ICE2: variants seen among roughly 807,000 people sequenced by gnomAD.
The protein encoded by ICE2 is interactor of little elongation complex ELL subunit 2, also known as little elongation complex subunit 2.
In ICE2, 87 loss-of-function variants were observed where a neutral mutation model predicts 105.4. That is an observed-to-expected ratio of 0.83 (90% confidence interval 0.69 to 0.99). ICE2 has a LOEUF of 0.99. Among genes scored for constraint, ICE2 ranks in the 50% least tolerant of loss-of-function variants. The pLI is 0.00. For synonymous variants in ICE2, 399 were observed against 392.0 expected (o/e 1.02, Z -0.21); for missense variants, 1,323 against 1,146.7 (o/e 1.15, Z -2.22).
chr15:60,455,345 G>T lies in ICE2; in HGVS notation c.764C>A (p.Thr255Lys). Residue 255 changes from threonine to lysine, a missense_variant, in exon 7 of 16, where the codon ACA becomes AAA. Thr to Lys is a moderately conservative substitution (Grantham distance 78). Coordinates refer to ENST00000261520, the MANE Select transcript of ICE2 (RefSeq NM_024611.6). Reference protein sequence around the residue: ...DIATIETSEQTAEAMHYDISK... With the variant: ...DIATIETSEQKAEAMHYDISK... ...ACTTACATAATGCATAGCTTCAGCT[G>T]TTTGTTCTGACGTTTCAATGGTAGC... The T allele has an allele frequency of 6.2e-7, 1 of 1,612,958 alleles. No homozygotes were observed. Among genetic ancestry groups the T allele is most frequent in the Non-Finnish European group, 8.5e-7 (1 of 1,179,106 alleles).
intron 9 of ICE2, chr15:60,452,191 T>A (rs935666291): frequency 3.1e-5 from 30 of 955,844 alleles, no homozygotes; most frequent in Admixed American, 6.2e-5. Context: ...AAAAATGCTT[T>A]ATGACATATG....
In ICE2 at chr15:60,476,115, T is replaced by C. The variant is rs758947128; in HGVS notation, c.94A>G (p.Lys32Glu). The change falls in exon 3 of 16, where the codon AAA becomes GAA. Residue 32 changes from lysine (K) to glutamate (E), a missense_variant. Physicochemically the swap from Lys to Glu is moderately conservative, Grantham distance 56. Transcript: ENST00000261520. ...LKTFFSRENY[K>E]DHSMAPSLKE... ...AAACTTGGAGCCATGGAATGATCTT[T>C]ATAATTTTCTCGAGAGAAAAATGTC... 5.6e-6 allele frequency: 9 copies of C among 1,609,218 alleles called. No individual in the cohort carries two copies. The highest frequency in any genetic ancestry group is 1.7e-5 in the Admixed American group (1 of 58,726).
intron 15 of ICE2, among the ~76,000 whole-genome samples, chr15:60,425,475 A>C (rs531188270): frequency 6.6e-6 from 1 of 152,208 alleles, no homozygotes; most frequent in South Asian, 2.1e-4. Context: ...GAAAAAAGGG[A>C]TAAGTGTGAA....
intron 9 of ICE2, chr15:60,452,781 G>A: frequency 1.3e-6 from 1 of 785,806 alleles, no homozygotes; most frequent in Non-Finnish European, 1.5e-6. Context: ...GTAATATCAT[G>A]ATGCCCATTT....
chr15:60,435,896 C>G (rs1052445880), intron 13 of ICE2, among the ~76,000 whole-genome samples: 11 of 151,864 alleles, frequency 7.2e-5, no homozygotes, highest in African/African-American at 2.7e-4. Context: ...TCCCTTGAAC[C>G]GGGGAGGCAG....
rs912833761 is a variant in ICE2, at chr15:60,443,248, T to C, written c.2296-703A>G. 3.3e-5 allele frequency among the ~76,000 whole-genome samples: 5 copies of C among 152,230 alleles called. No individual in the cohort carries two copies. In the East Asian group the frequency reaches 5.8e-4, roughly 18 times the overall value. Reference sequence around the variant, plus strand: ...TCACTGTGCTTATGCTATCTCATTATCTTCAAAGAAAACTCTACTCTTAAC... The same window carrying C: ...TCACTGTGCTTATGCTATCTCATTACCTTCAAAGAAAACTCTACTCTTAAC... On this transcript the variant is annotated intron_variant, in intron 11 of 15. Transcript: ENST00000261520.
chr15:60,426,468 A>C (rs2063340568), intron 15 of ICE2, among the ~76,000 whole-genome samples: 1 of 152,232 alleles, frequency 6.6e-6, no homozygotes, highest in Non-Finnish European at 1.5e-5. Flanking sequence ...ATTTAAACAA[A>C]GACAAAATTG....
chr15:60,456,669 A>T lies in ICE2; in HGVS notation c.654T>A (p.Thr218=). 1 of 1,586,710 alleles carries T rather than the reference A, an allele frequency of 6.3e-7. No homozygotes were observed. The highest frequency in any genetic ancestry group is 8.6e-7 in the Non-Finnish European group (1 of 1,168,958). The change falls in exon 6 of 16, where the codon ACT becomes ACA. Residue 218 remains threonine (T), a synonymous_variant. Coordinates refer to ENST00000261520, the MANE Select transcript of ICE2 (RefSeq NM_024611.6). ...RVEMGLKLEK[T]LLALGSVKYV... ...TAATAAACCTTACCAATGCGAGAAG[A>T]GTTTTTTCTAACTTTAATCCCATCT...
chr15:60,475,280 G>A (rs989963914), intron 3 of ICE2, among the ~76,000 whole-genome samples: 23 of 152,166 alleles, frequency 1.5e-4, no homozygotes, highest in Admixed American at 6.5e-4. Context: ...TTGGCAGTAA[G>A]AAGTAAAAAT....
At chr15:60,427,068 T>G (rs1461048648) in intron 15 of ICE2, among the ~76,000 whole-genome samples, 1 of 152,220 alleles carries the variant, frequency 6.6e-6, no homozygotes, top group Non-Finnish European at 1.5e-5. Flanking sequence ...TAAGTAGGAA[T>G]GTACAAGGAG....
chr15:60,428,816 T>C, intron 14 of ICE2, 129 bp from the exon 15 acceptor site: 1 of 926,696 alleles, frequency 1.1e-6, no homozygotes, highest in East Asian at 2.6e-5. Flanking sequence ...AATACTTTTA[T>C]GACAAAATAA....
At chr15:60,478,419 C>T (rs921680957) in intron 1 of ICE2, 2 of 172,348 alleles carry the variant, frequency 1.2e-5, no homozygotes, top group Non-Finnish European at 2.5e-5. Flanking sequence ...CTTTTGTTTT[C>T]CCGACCATGC....
At chr15:60,465,710 G>A (rs1050738203) in intron 5 of ICE2, among the ~76,000 whole-genome samples, 2 of 147,754 alleles carry the variant, frequency 1.4e-5, no homozygotes, top group South Asian at 4.3e-4. Flanking sequence ...ATGTGTGTGT[G>A]TATATATATA....
At chr15:60,471,925 C>T (rs942146544) in intron 3 of ICE2, among the ~76,000 whole-genome samples, 3 of 151,780 alleles carry the variant, frequency 2.0e-5, no homozygotes, top group Admixed American at 6.6e-5. Flanking sequence ...CTAGTATCTT[C>T]TGAGTTTGAT....
At chr15:60,437,080 T>A (rs2063610635) in intron 12 of ICE2, among the ~76,000 whole-genome samples, 1 of 151,552 alleles carries the variant, frequency 6.6e-6, no homozygotes, top group Non-Finnish European at 1.5e-5. Context: ...TGGTGAAACC[T>A]CGTCTCTACT....
chr15:60,419,733 C>T lies in ICE2; in HGVS notation c.*3901G>A, dbSNP rs1477331520. On this transcript the variant is annotated 3_prime_UTR_variant, in exon 16 of 16. Transcript: ENST00000261520. The stretch of plus-strand genomic sequence containing the variant: ...TACCAAACAAAAAAACAGAACAAAA[C>T]AAAATACTACTATATACCTATAATG... 6.6e-6 allele frequency: 1 copy of T among 151,782 alleles called. No individual in the cohort carries two copies. Among genetic ancestry groups the T allele is most frequent in the Admixed American group, 6.6e-5 (1 of 15,254 alleles). 9.4% of individuals were successfully genotyped at this position (151,782 alleles called of 1,614,324 possible). A position where few individuals can be genotyped will look rare whatever the true frequency, so the allele number is the denominator to read the frequency against.
At chr15:60,466,476 G>T in intron 5 of ICE2, 118 bp downstream of exon 5, 1 of 1,183,168 alleles carries the variant, frequency 8.5e-7, no homozygotes, top group Non-Finnish European at 1.2e-6. Context: ...AAGACCTGTG[G>T]TTTTTAAATT....
At chr15:60,459,345 TGAA>T (rs1425241498) in intron 5 of ICE2, among the ~76,000 whole-genome samples, 1 of 152,082 alleles carries the variant, frequency 6.6e-6, no homozygotes, top group Admixed American at 6.5e-5. Context: ...AACAATAACA[TGAA>T]GAAGTAGGAT....
intron 6 of ICE2, among the ~76,000 whole-genome samples, chr15:60,455,691 C>T (rs2064088997): frequency 6.6e-6 from 1 of 151,390 alleles, no homozygotes; most frequent in Non-Finnish European, 1.5e-5. Context: ...GATCTCAGAT[C>T]ACTGCAACCT....
Sources: allele counts gnomAD v4.1 joint callset (sites outside exome capture counted in the v4.1 genomes callset), GRCh38; gene constraint gnomAD v4.1.1; transcripts MANE v1.5; gene names NCBI Gene and HGNC (gene_info 2026-07-23, HGNC 2026-07-21).